Variants in ZNF536 observed in about 807,000 individuals in gnomAD.
ZNF536 encodes zinc finger protein 536.
ZNF536 carries 13 observed loss-of-function variants against 84.5 expected under a neutral mutation model. The ratio of observed to expected loss-of-function variants is 0.15; its 90% CI spans 0.10 to 0.24. The LOEUF (loss-of-function observed/expected upper bound fraction) is 0.24, where lower values mean the gene tolerates loss of function less well. Ranked by LOEUF, ZNF536 falls within the 10% of genes least tolerant of loss-of-function variation. The probability of loss-of-function intolerance (pLI) is 1.00; values close to 1 mark genes in which losing one functional copy is unlikely to be tolerated. For missense variants in ZNF536, 1,536 were observed against 1,747.5 expected, an observed-to-expected ratio of 0.88 and a Z score of 2.16; for synonymous variants, 811 against 742.5, an observed-to-expected ratio of 1.09 and a Z score of -1.50.
At chr19:30,697,377 G>T (rs2051705236) in intron 1 of ZNF536, among the ~76,000 whole-genome samples, 2 of 152,172 alleles carry the variant, frequency 1.3e-5, no homozygotes, top group Admixed American at 1.3e-4. Flanking sequence ...GAATCAAAAT[G>T]CACATCTCCC....
intron 2 of ZNF536, among the ~76,000 whole-genome samples, chr19:30,315,669 G>A (rs1174868299): frequency 2.0e-5 from 3 of 152,144 alleles, no homozygotes; most frequent in African/African-American, 7.2e-5. Flanking sequence ...TTTCTGTAAC[G>A]TGAAATCTAA....
intron 3 of ZNF536, among the ~76,000 whole-genome samples, chr19:30,539,424 C>T (rs1244896486): frequency 1.3e-5 from 2 of 152,224 alleles, no homozygotes; most frequent in African/African-American, 4.8e-5. Context: ...CCCACCCATT[C>T]AAACGTTCAT....
At chr19:30,417,679 G>A (rs2195948) in intron 1 of ZNF536, among the ~76,000 whole-genome samples, 59,842 of 152,060 alleles carry the variant, frequency 0.39, 12,694 homozygotes, top group East Asian at 0.7. Flanking sequence ...GGGGTGATGG[G>A]GCATCTTTGC....
chr19:30,587,374 G>T (rs1389351251), intron 1 of ZNF536, among the ~76,000 whole-genome samples: 1 of 152,208 alleles, frequency 6.6e-6, no homozygotes, highest in African/African-American at 2.4e-5. Flanking sequence ...ATGATAGAAT[G>T]CATTTTCCCA....
chr19:30,247,560 G>A (rs1458552250), intron 1 of ZNF536, among the ~76,000 whole-genome samples: 1 of 152,184 alleles, frequency 6.6e-6, no homozygotes, highest in African/African-American at 2.4e-5. Context: ...GGTGGATCAA[G>A]CCTGTAATCC....
At chr19:30,523,001 T>C (rs1248293202) in intron 2 of ZNF536, among the ~76,000 whole-genome samples, 2 of 151,350 alleles carry the variant, frequency 1.3e-5, no homozygotes, top group African/African-American at 4.9e-5. Flanking sequence ...GAATTGTTTT[T>C]TACTGTTAAC....
At chr19:30,340,495 A>G (rs2146538076) in intron 2 of ZNF536, among the ~76,000 whole-genome samples, 1 of 152,120 alleles carries the variant, frequency 6.6e-6, no homozygotes, top group Non-Finnish European at 1.5e-5. Context: ...TTCTTACTTG[A>G]CTTTTTATAT....
At chr19:30,442,866 G>A (rs1432574462) in intron 1 of ZNF536, among the ~76,000 whole-genome samples, 3 of 152,158 alleles carry the variant, frequency 2.0e-5, no homozygotes, top group Non-Finnish European at 4.4e-5. Flanking sequence ...ACAGCACCTA[G>A]TACTGTTTCT....
intron 1 of ZNF536, among the ~76,000 whole-genome samples, chr19:30,642,936 A>T (rs2049319313): frequency 6.6e-6 from 1 of 152,200 alleles, no homozygotes; most frequent in Non-Finnish European, 1.5e-5. Context: ...TGGCCTCAGC[A>T]CTGAGGCTTT....
chr19:30,585,388 A>C (rs1391166766), intron 1 of ZNF536, among the ~76,000 whole-genome samples: 1 of 152,218 alleles, frequency 6.6e-6, no homozygotes, highest in Non-Finnish European at 1.5e-5. Context: ...TGAATAGTAG[A>C]TGGATGGATG....
At chr19:30,400,635 C>T (rs2050009111) in intron 1 of ZNF536, among the ~76,000 whole-genome samples, 1 of 152,194 alleles carries the variant, frequency 6.6e-6, no homozygotes, top group South Asian at 2.1e-4. Flanking sequence ...TGTCATAGCT[C>T]ATTGCAGCCT....
At chr19:30,365,771 T>C (rs1387949538) in intron 3 of ZNF536, among the ~76,000 whole-genome samples, 1 of 152,224 alleles carries the variant, frequency 6.6e-6, no homozygotes, top group Non-Finnish European at 1.5e-5. Flanking sequence ...AACCACCTGC[T>C]TGTGGACTTT....
rs185856916 is a variant in ZNF536 at position 30,689,006 on chromosome 19, G to A, written c.170-21751G>A. On this transcript the variant is annotated intron_variant, in intron 1 of 1. Coordinates refer to the ZNF536 transcript ENST00000592773. ...CCATAGCCTTTGACAATATTGGCCC[G>A]CTCTGCTCCACATTCTGTGCTGAGC... Among the ~76,000 whole-genome samples the A allele has an allele frequency of 2.0e-4, 30 of 152,310 alleles. No individual in the cohort carries two copies. In the East Asian group the frequency reaches 4.1e-3, roughly 21 times the overall value.
At chr19:30,271,908 A>G (rs2145480519) in intron 1 of ZNF536, among the ~76,000 whole-genome samples, 1 of 152,292 alleles carries the variant, frequency 6.6e-6, no homozygotes, top group Middle Eastern at 3.4e-3. Context: ...CAAGAATAAC[A>G]AAAACCCCTG....
chr19:30,599,951 C>T (rs115972980), intron 1 of ZNF536, among the ~76,000 whole-genome samples: 4 of 150,868 alleles, frequency 2.7e-5, no homozygotes, highest in Admixed American at 6.6e-5. Context: ...TTGGGTGTGT[C>T]GTGTTTATGA....
chr19:30,355,112 C>T (rs2146777575), intron 3 of ZNF536, among the ~76,000 whole-genome samples: 1 of 152,254 alleles, frequency 6.6e-6, no homozygotes, highest in Non-Finnish European at 1.5e-5. Context: ...GTGTATTTGG[C>T]TCATGGTTCT....
intron 2 of ZNF536, among the ~76,000 whole-genome samples, chr19:30,502,598 G>A (rs2054997147): frequency 1.3e-5 from 2 of 152,198 alleles, no homozygotes; most frequent in South Asian, 4.2e-4. Flanking sequence ...CATCAACCTG[G>A]ACATTTAAGC....
chr19:30,304,539 C>T (rs894933166), intron 2 of ZNF536, among the ~76,000 whole-genome samples: 1 of 152,208 alleles, frequency 6.6e-6, no homozygotes, highest in African/African-American at 2.4e-5. Flanking sequence ...GAGCCTGGGC[C>T]TGGACCTCTG....
intron 1 of ZNF536, among the ~76,000 whole-genome samples, chr19:30,270,054 C>T (rs968327129): frequency 4.6e-5 from 7 of 152,142 alleles, no homozygotes; most frequent in African/African-American, 1.7e-4. Flanking sequence ...ACTTCTAAGG[C>T]GAATTCATCC....
Sources: allele counts gnomAD v4.1 joint callset (sites outside exome capture counted in the v4.1 genomes callset), GRCh38; gene constraint gnomAD v4.1.1; transcripts MANE v1.5; gene names NCBI Gene and HGNC (gene_info 2026-07-23, HGNC 2026-07-21).